KCNK9: variants seen among roughly 807,000 people sequenced by gnomAD.
The protein encoded by KCNK9 is potassium channel subfamily K member 9.
Under a neutral mutation model 10.8 loss-of-function variants are expected in KCNK9, and 1 was observed. The observed-to-expected ratio is 0.09, with a 90% CI of 0.03 to 0.44. KCNK9 has a LOEUF of 0.44. Among genes scored for constraint, KCNK9 ranks in the 20% least tolerant of loss-of-function variants. The pLI, the probability that KCNK9 is intolerant of heterozygous loss-of-function variation, is 0.97. For synonymous variants in KCNK9, 231 were observed against 222.7 expected (o/e 1.04, Z -0.33); for missense variants, 303 against 515.0 (o/e 0.59, Z 3.98).
intron 1 of KCNK9, among the ~76,000 whole-genome samples, chr8:139,630,732 G>T (rs1026310241): frequency 6.6e-6 from 1 of 152,230 alleles, no homozygotes; most frequent in African/African-American, 2.4e-5. Flanking sequence ...GGCCACACAA[G>T]CGCACTGCAC....
intron 2 of KCNK9, among the ~76,000 whole-genome samples, chr8:139,606,598 A>C (rs1814222298): frequency 6.6e-6 from 1 of 152,164 alleles, no homozygotes; most frequent in African/African-American, 2.4e-5. Context: ...TTTCCTTTTG[A>C]TGTTTTAAGG....
At chr8:139,677,252 A>G (rs1307726558) in intron 1 of KCNK9, among the ~76,000 whole-genome samples, 1 of 152,044 alleles carries the variant, frequency 6.6e-6, no homozygotes, top group Non-Finnish European at 1.5e-5. Context: ...TGCTTCTCCT[A>G]TCACCTGTGG....
At chr8:139,613,788 T>C (rs1376064045), downstream of KCNK9, among the ~76,000 whole-genome samples, 1 of 152,098 alleles carries the variant, frequency 6.6e-6, no homozygotes, top group African/African-American at 2.4e-5. Flanking sequence ...CCAGGGTCTG[T>C]GCTGGCCACG....
At chr8:139,655,736 C>G (rs772299408) in intron 1 of KCNK9, among the ~76,000 whole-genome samples, 10 of 152,186 alleles carry the variant, frequency 6.6e-5, no homozygotes, top group Non-Finnish European at 1.0e-4. Context: ...CACCCCTGGG[C>G]TCTCCCCACT....
At chr8:139,627,404 G>A (rs1815011163) in intron 1 of KCNK9, among the ~76,000 whole-genome samples, 1 of 152,218 alleles carries the variant, frequency 6.6e-6, no homozygotes, top group Non-Finnish European at 1.5e-5. Context: ...CTCAGGGTTT[G>A]GGGCTTGACT....
intron 1 of KCNK9, among the ~76,000 whole-genome samples, chr8:139,698,560 G>T (rs1011433488): frequency 6.6e-6 from 1 of 152,238 alleles, no homozygotes; most frequent in Non-Finnish European, 1.5e-5. Context: ...AGGGGTTGAA[G>T]CAGCCACTGG....
intron 1 of KCNK9, among the ~76,000 whole-genome samples, chr8:139,640,911 C>G (rs1029416328): frequency 6.6e-6 from 1 of 152,244 alleles, no homozygotes; most frequent in Admixed American, 6.5e-5. Flanking sequence ...CCAGGCCCAC[C>G]GGTAGCTCTC....
At chr8:139,630,063 G>A (rs1419166354) in intron 1 of KCNK9, among the ~76,000 whole-genome samples, 1 of 151,314 alleles carries the variant, frequency 6.6e-6, no homozygotes, top group African/African-American at 2.4e-5. Flanking sequence ...GTTGCGGGGG[G>A]AGCGGGCGTG....
rs73724568 is a variant in KCNK9 at position 139,605,935 on chromosome 8, C to T, written c.*1-4334G>A. Among the ~76,000 whole-genome samples the T allele has an allele frequency of 7.3e-3, 1,114 of 152,280 alleles. 18 individuals carry two copies. The highest frequency in any genetic ancestry group is 0.026 in the African/African-American group (1,082 of 41,546). On this transcript the variant is annotated intron_variant, in intron 2 of 2. Coordinates refer to the KCNK9 transcript ENST00000650269. ...TGTCTCATTCTGTTGAACTTCAGAA[C>T]GGCATTCTAAGGCCATTTGTGAAGG... is the stretch of plus-strand genomic sequence containing the variant.
intron 1 of KCNK9, among the ~76,000 whole-genome samples, chr8:139,643,758 A>C (rs940211639): frequency 2.6e-5 from 4 of 152,184 alleles, no homozygotes; most frequent in Non-Finnish European, 5.9e-5. Context: ...TCTGTGCCTG[A>C]AATTCCTCCC....
At chr8:139,686,593 T>G (rs372360173) in intron 1 of KCNK9, among the ~76,000 whole-genome samples, 1 of 152,230 alleles carries the variant, frequency 6.6e-6, no homozygotes, top group Non-Finnish European at 1.5e-5. Context: ...ATTATTGTTG[T>G]TGTTATCATC....
chr8:139,659,818 G>A (rs116558585), intron 1 of KCNK9, among the ~76,000 whole-genome samples: 4,810 of 151,846 alleles, frequency 0.032, 140 homozygotes, highest in African/African-American at 0.076. Context: ...CACTGCACCC[G>A]GCCTATTCTT....
chr8:139,687,411 C>CATATATATGTGTACACATATATATTCAT lies in KCNK9; in HGVS notation c.283+15298_283+15299insATGAATATATATGTGTACACATATATAT, dbSNP rs71318310. Among the ~76,000 whole-genome samples, 301 of 73,116 alleles carry CATATATATGTGTACACATATATATTCAT rather than the reference C, an allele frequency of 4.1e-3. 26 individuals carry two copies. Among genetic ancestry groups the CATATATATGTGTACACATATATATTCAT allele is most frequent in the Non-Finnish European group, 7.1e-3 (250 of 35,192 alleles). 48.0% of individuals were successfully genotyped at this position (73,116 alleles called of 152,430 possible). A position where few individuals can be genotyped will look rare whatever the true frequency, so the allele number is the denominator to read the frequency against. On this transcript the variant is annotated intron_variant, in intron 1 of 1. Coordinates refer to ENST00000520439, the MANE Select transcript of KCNK9 (RefSeq NM_001282534.2). ...ATATATATGTGTATACATATATATT[C>CATATATATGTGTACACATATATATTCAT]ATATATGTGTATACATATATATTCA... is the stretch of plus-strand genomic sequence containing the variant.
In KCNK9 at chr8:139,618,971, A is replaced by G. The variant is rs565355081; in HGVS notation, c.412T>C (p.Tyr138His). ...LGERMNTFVR[Y>H]LLKRIKKCCG... is the part of the protein sequence containing the mutation. ...CACTTCTTAATGCGCTTCAGCAGGT[A>G]GCGCACGAAGGTGTTCATGCGCTCG... Residue 138 changes from tyrosine (Y) to histidine (H), a missense_variant, in exon 2 of 2, where the codon TAC (tyrosine) becomes CAC (histidine). Transcript: ENST00000520439. This position sits in a 1 kb window ranked among gnomAD's most constrained non-coding sequence, Gnocchi z 7.9. 15 of 1,614,236 alleles carry G rather than the reference A, an allele frequency of 9.3e-6. No individual in the cohort carries two copies. In the South Asian group the frequency reaches 1.6e-4, roughly 18 times the overall value.
intron 2 of KCNK9, among the ~76,000 whole-genome samples, chr8:139,606,985 A>G (rs1814240095): frequency 1.3e-5 from 2 of 152,100 alleles, no homozygotes; most frequent in Non-Finnish European, 2.9e-5. Flanking sequence ...CCCGCAACAC[A>G]CACACACAAA....
intron 1 of KCNK9, among the ~76,000 whole-genome samples, chr8:139,677,685 T>TCCA (rs1816584692): frequency 2.5e-5 from 1 of 40,250 alleles, no homozygotes; most frequent in African/African-American, 6.6e-5. Flanking sequence ...CCCAGCCCAG[T>TCCA]GGGTTCCCAC....
chr8:139,627,137 G>C (rs775544735), intron 1 of KCNK9, among the ~76,000 whole-genome samples: 7 of 152,190 alleles, frequency 4.6e-5, no homozygotes, highest in Non-Finnish European at 7.3e-5. Flanking sequence ...GATCCTCTAA[G>C]CGTTAACCTT....
At chr8:139,660,600 G>A (rs1276192023) in intron 1 of KCNK9, among the ~76,000 whole-genome samples, 7 of 151,922 alleles carry the variant, frequency 4.6e-5, no homozygotes, top group South Asian at 4.2e-4. Context: ...CAGCCTGGGC[G>A]ACAGAGGGAC....
intron 1 of KCNK9, among the ~76,000 whole-genome samples, chr8:139,684,826 A>G (rs1041630237): frequency 7.2e-5 from 11 of 152,268 alleles, no homozygotes; most frequent in Non-Finnish European, 1.6e-4. Context: ...ATAAAGCAAG[A>G]GACACACATC....
Sources: gnomAD v4.1 joint callset for allele counts (sites outside exome capture counted in the v4.1 genomes callset) on GRCh38, gnomAD v4.1.1 for gene constraint, Gnocchi (gnomAD v3.1) non-coding constraint, MANE v1.5 for transcripts, NCBI Gene and HGNC (gene_info 2026-07-23, HGNC 2026-07-21) for gene names.